Variants in NMNAT2 observed in about 807,000 individuals in gnomAD.
The protein encoded by NMNAT2 is nicotinamide nucleotide adenylyltransferase 2, also known as nicotinamide/nicotinic acid mononucleotide adenylyltransferase 2.
A neutral mutation model predicts 41.6 loss-of-function variants in NMNAT2; 11 were observed. The ratio of observed to expected loss-of-function variants is 0.26; its 90% CI spans 0.17 to 0.44. The LOEUF is 0.44. Among genes scored for constraint, NMNAT2 ranks in the 20% least tolerant of loss-of-function variants. NMNAT2 has a pLI of 1.00. For missense variants in NMNAT2, 288 were observed against 407.7 expected, an observed-to-expected ratio of 0.71 and a Z score of 2.53; for synonymous variants, 148 against 151.2, an observed-to-expected ratio of 0.98 and a Z score of 0.16.
chr1:183,357,098 G>T (rs560130921), intron 1 of NMNAT2, among the ~76,000 whole-genome samples: 2 of 152,126 alleles, frequency 1.3e-5, no homozygotes, highest in African/African-American at 2.4e-5. Context: ...ATGGTGAGGT[G>T]GGGGGCAGAA....
chr1:183,379,324 G>A (rs891194161), intron 1 of NMNAT2, among the ~76,000 whole-genome samples: 4 of 152,002 alleles, frequency 2.6e-5, no homozygotes, highest in African/African-American at 7.3e-5. Flanking sequence ...GGGACCATAG[G>A]TGTGAGCCAT....
At chr1:183,275,933 A>G (rs1404733531) in intron 8 of NMNAT2, among the ~76,000 whole-genome samples, 2 of 152,134 alleles carry the variant, frequency 1.3e-5, no homozygotes, top group Non-Finnish European at 2.9e-5. Flanking sequence ...CGGCCTCCCA[A>G]AGTGCTGGGA....
Position 183,252,515 on chromosome 1 carries a change from G to T in NMNAT2, c.*126C>A. On this transcript the variant is annotated 3_prime_UTR_variant, in exon 11 of 11. Transcript: ENST00000287713. ...GTTCTCTGCAGGTCCCCCACACTAT[G>T]GGGGGTTAAGTCAGCAAGTAGGGAA... The T allele has an allele frequency of 2.7e-6, 2 of 748,282 alleles. No individual in the cohort carries two copies. The highest frequency in any genetic ancestry group is 1.5e-5 in the South Asian group (1 of 65,702). 46.4% of individuals were successfully genotyped at this position (748,282 alleles called of 1,614,324 possible). A position where few individuals can be genotyped will look rare whatever the true frequency, so the allele number is the denominator to read the frequency against.
At chr1:183,370,843 G>A (rs1294818374) in intron 1 of NMNAT2, among the ~76,000 whole-genome samples, 2 of 152,146 alleles carry the variant, frequency 1.3e-5, no homozygotes, top group Non-Finnish European at 2.9e-5. Context: ...CTTGACTGGC[G>A]GGCAGATTGG....
intron 1 of NMNAT2, among the ~76,000 whole-genome samples, chr1:183,357,526 G>T (rs1205063847): frequency 6.6e-6 from 1 of 152,130 alleles, no homozygotes; most frequent in African/African-American, 2.4e-5. Context: ...ACCACGCCCG[G>T]CTGAGAGATA....
intron 1 of NMNAT2, among the ~76,000 whole-genome samples, chr1:183,320,065 T>C (rs1300507044): frequency 6.6e-6 from 1 of 152,214 alleles, no homozygotes; most frequent in Non-Finnish European, 1.5e-5. Context: ...TGAATTGATT[T>C]CCTCTAAAAA....
At chr1:183,344,978 GAGA>G (rs906927435) in intron 1 of NMNAT2, among the ~76,000 whole-genome samples, 47 of 152,168 alleles carry the variant, frequency 3.1e-4, no homozygotes, top group Admixed American at 2.4e-3. Flanking sequence ...CCACAGCGGG[GAGA>G]AGGATTGTAA....
chr1:183,341,728 A>AAAAAAAAAAAAC lies in NMNAT2; in HGVS notation c.86-47936_86-47935insGTTTTTTTTTTT, dbSNP rs1353592296. On this transcript the variant is annotated intron_variant, in intron 1 of 10. Coordinates refer to ENST00000287713, the MANE Select transcript of NMNAT2 (RefSeq NM_015039.4). Reference sequence around the variant, plus strand: ...GAAAAGACAAACAAACAAACACCAAAAAAAAAAAAAAAAAAAAAACCTGTT... The same window carrying AAAAAAAAAAAAC: ...GAAAAGACAAACAAACAAACACCAAAAAAAAAAAAAACAAAAAAAAAAAAAAAAAAACCTGTT... 2.1e-3 allele frequency among the ~76,000 whole-genome samples: 287 copies of AAAAAAAAAAAAC among 135,088 alleles called. 30 individuals are homozygous for AAAAAAAAAAAAC. The highest frequency in any genetic ancestry group is 3.7e-3 in the Middle Eastern group (1 of 270). 88.6% of individuals were successfully genotyped at this position (135,088 alleles called of 152,430 possible). A position where few individuals can be genotyped will look rare whatever the true frequency, so the allele number is the denominator to read the frequency against.
intron 1 of NMNAT2, among the ~76,000 whole-genome samples, chr1:183,330,554 T>G (rs1179952160): frequency 6.6e-6 from 1 of 152,048 alleles, no homozygotes; most frequent in Non-Finnish European, 1.5e-5. Flanking sequence ...CTTCACTAGG[T>G]GAGAACATTG....
chr1:183,275,359 A>G (rs1335090337), intron 8 of NMNAT2, among the ~76,000 whole-genome samples: 2 of 152,100 alleles, frequency 1.3e-5, no homozygotes, highest in African/African-American at 4.8e-5. Flanking sequence ...CTCAGACTCA[A>G]TGATTCTAAG....
intron 1 of NMNAT2, among the ~76,000 whole-genome samples, chr1:183,367,734 A>T (rs1274236933): frequency 6.6e-6 from 1 of 152,244 alleles, no homozygotes; most frequent in African/African-American, 2.4e-5. Flanking sequence ...TATAAATTAT[A>T]TATGTGTCTT....
chr1:183,360,571 G>A (rs1663286669), intron 1 of NMNAT2, among the ~76,000 whole-genome samples: 1 of 152,198 alleles, frequency 6.6e-6, no homozygotes, highest in Admixed American at 6.5e-5. Context: ...ACCTAGCAGG[G>A]AGGAATCTGA....
chr1:183,310,464 A>G (rs146605493), intron 1 of NMNAT2, among the ~76,000 whole-genome samples: 17 of 152,320 alleles, frequency 1.1e-4, no homozygotes, highest in Non-Finnish European at 2.1e-4. Flanking sequence ...AAATGCATCC[A>G]GCCTGCTCTG....
intron 1 of NMNAT2, among the ~76,000 whole-genome samples, chr1:183,359,803 C>G (rs1571618666): frequency 6.6e-6 from 1 of 152,094 alleles, no homozygotes; most frequent in Non-Finnish European, 1.5e-5. Flanking sequence ...AGGCAGGAAG[C>G]CCTGGGAGGC....
intron 1 of NMNAT2, among the ~76,000 whole-genome samples, chr1:183,357,625 G>A (rs1383074098): frequency 1.3e-5 from 2 of 152,170 alleles, no homozygotes; most frequent in South Asian, 4.1e-4. Flanking sequence ...TATCAACAGT[G>A]TACAAGCGTT....
In NMNAT2 at chr1:183,257,786, G is replaced by GT. The variant is rs1020612481; in HGVS notation, c.821+3215dup. On this transcript the variant is annotated intron_variant, in intron 10 of 10. Transcript: ENST00000287713. Reference sequence around the variant, plus strand: ...GTCTAGATAAAGGTTTGTCAATTTTGTTTTTTTTTTTCAAAAAACCAACTC... The same window carrying GT: ...GTCTAGATAAAGGTTTGTCAATTTTGTTTTTTTTTTTTCAAAAAACCAACTC... Among the ~76,000 whole-genome samples the GT allele has an allele frequency of 8.9e-3, 1,033 of 116,674 alleles. 15 individuals are homozygous for GT. The highest frequency in any genetic ancestry group is 0.024 in the African/African-American group (806 of 33,184). The allele number at this position is 116,674 out of a possible 152,430, so 76.5% of individuals were successfully genotyped here.
At chr1:183,292,909 T>C in intron 2 of NMNAT2, 52 bp from the exon 3 acceptor site, 1 of 1,563,788 alleles carries the variant, frequency 6.4e-7, no homozygotes, top group Non-Finnish European at 8.8e-7. Flanking sequence ...CCCCACAACA[T>C]CCTTGGGATA....
intron 5 of NMNAT2, 76 bp downstream of exon 5, chr1:183,286,585 GA>G: frequency 7.8e-7 from 1 of 1,286,392 alleles, no homozygotes; most frequent in Non-Finnish European, 1.1e-6. Flanking sequence ...GTTCTGGGTG[GA>G]TCCCAGTAGT....
chr1:183,268,395 A>T (rs1660876397), intron 8 of NMNAT2, among the ~76,000 whole-genome samples: 1 of 152,204 alleles, frequency 6.6e-6, no homozygotes, highest in Non-Finnish European at 1.5e-5. Flanking sequence ...TCTTGGACAG[A>T]TCACTCTCTA....
Sources: allele counts gnomAD v4.1 joint callset (sites outside exome capture counted in the v4.1 genomes callset), GRCh38; gene constraint gnomAD v4.1.1; transcripts MANE v1.5; gene names NCBI Gene and HGNC (gene_info 2026-07-23, HGNC 2026-07-21).